Variants in SHPRH observed in about 807,000 individuals in gnomAD.
The protein encoded by SHPRH is E3 ubiquitin-protein ligase SHPRH.
SHPRH carries 106 observed loss-of-function variants against 202.5 expected under a neutral mutation model. The observed-to-expected ratio is 0.52, with a 90% CI of 0.45 to 0.62. The LOEUF is 0.62. Ranked by LOEUF, SHPRH falls within the 20% of genes least tolerant of loss-of-function variation. The probability of loss-of-function intolerance (pLI) is 0.00; values close to 1 mark genes in which losing one functional copy is unlikely to be tolerated. For synonymous variants in SHPRH, 729 were observed against 686.0 expected, an observed-to-expected ratio of 1.06 and a Z score of -0.98; for missense variants, 1,710 against 2,020.0, an observed-to-expected ratio of 0.85 and a Z score of 2.94.
intron 2 of SHPRH, among the ~76,000 whole-genome samples, chr6:145,868,043 A>C (rs1280969460): frequency 6.6e-6 from 1 of 152,156 alleles, no homozygotes; most frequent in Non-Finnish European, 1.5e-5. Flanking sequence ...ACAATTCTAG[A>C]GGCTAGAAGT....
chr6:145,922,668 G>C lies in SHPRH; in HGVS notation c.3714C>G (p.Leu1238=), dbSNP rs1784523916. The C allele has an allele frequency of 6.2e-7, 1 of 1,602,114 alleles. No individual in the cohort carries two copies. The highest frequency in any genetic ancestry group is 8.5e-7 in the Non-Finnish European group (1 of 1,175,524). ...VCHLRPARLP[L]NCCVFCKADE... ...TGATTTCTTCTATTACCTACCAGTT[G>C]AGAGGAAGTCTGGCTGGTCGGAGGT... The change falls in exon 19 of 30, where the codon CTC becomes CTG. Residue 1238 remains leucine, a synonymous_variant. Transcript: ENST00000275233.
intron 28 of SHPRH, among the ~76,000 whole-genome samples, chr6:145,891,847 G>C (rs1461639866): frequency 2.0e-5 from 3 of 152,048 alleles, no homozygotes; most frequent in African/African-American, 7.2e-5. Context: ...TTAAATATGA[G>C]ACTAGTCCAG....
rs888972954 is a variant in SHPRH at position 145,885,562 on chromosome 6, G to A, written c.*1129C>T. The A allele has an allele frequency of 5.9e-5, 9 of 152,082 alleles. No homozygotes were observed. Among genetic ancestry groups the A allele is most frequent in the African/African-American group, 1.9e-4 (8 of 41,416 alleles). The allele number at this position is 152,082 out of a possible 1,614,324, so 9.4% of individuals were successfully genotyped here. ...AAAAGGAAGCCAAATAAGAACATTT[G>A]TATTACATCAAATGGCTAGGATGTA... On this transcript the variant is annotated 3_prime_UTR_variant, in exon 30 of 30. Transcript: ENST00000275233.
intron 11 of SHPRH, among the ~76,000 whole-genome samples, chr6:145,939,497 C>T (rs966230825): frequency 2.6e-5 from 4 of 152,196 alleles, no homozygotes; most frequent in Admixed American, 6.5e-5. Context: ...AAAAAACCGA[C>T]CCAGGAACTA....
Position 145,879,235 on chromosome 6 carries a change from T to TA in SHPRH, c.221+8784dup, listed in dbSNP as rs1780440065. ...TTTACTGAACACCCACTGCCTCTTGTACTGAAGTCATTAAATTCTTTGATA... is the reference window on the plus strand; with the variant it reads ...TTTACTGAACACCCACTGCCTCTTGTAACTGAAGTCATTAAATTCTTTGATA... On this transcript the variant is annotated intron_variant, in intron 2 of 2. Coordinates refer to the SHPRH transcript ENST00000417762. 2.0e-5 allele frequency among the ~76,000 whole-genome samples: 3 copies of TA among 152,322 alleles called. No homozygotes were observed. The South Asian group carries it at 6.2e-4, about 32-fold the overall frequency.
chr6:145,943,780 A>T lies in SHPRH; in HGVS notation c.1601T>A (p.Ile534Asn), dbSNP rs1324429083. ...CCCTGATTTTCTAGTTTCTTTCTGA[A>T]TTTTCCTTGGACTCCCTACTGCCTA... is the stretch of plus-strand genomic sequence containing the variant. Reference protein sequence around the residue: ...KKQAVGSPRKIQKETRKSGNK... With the variant: ...KKQAVGSPRKNQKETRKSGNK... The change falls in exon 9 of 30, where the codon ATT becomes AAT. Residue 534 changes from isoleucine to asparagine, a missense_variant. Physicochemically the swap from Ile to Asn is moderately radical, Grantham distance 149 (BLOSUM62 -3). Transcript: ENST00000275233. 1.3e-6 allele frequency: 2 copies of T among 1,586,498 alleles called. No individual in the cohort carries two copies. The highest frequency in any genetic ancestry group is 4.5e-5 in the East Asian group (2 of 44,700).
At chr6:145,940,262 T>C (rs1786612409) in intron 11 of SHPRH, among the ~76,000 whole-genome samples, 2 of 152,140 alleles carry the variant, frequency 1.3e-5, no homozygotes. Flanking sequence ...ATTACTAAAA[T>C]TATGGCCCTA....
intron 2 of SHPRH, among the ~76,000 whole-genome samples, chr6:145,872,970 G>A (rs1303517314): frequency 6.6e-6 from 1 of 152,174 alleles, no homozygotes; most frequent in Non-Finnish European, 1.5e-5. Context: ...ACTTACAAGT[G>A]GGAGCAAAAT....
chr6:145,936,084 G>A (rs552595615), intron 11 of SHPRH, among the ~76,000 whole-genome samples: 5 of 152,070 alleles, frequency 3.3e-5, no homozygotes, highest in Non-Finnish European at 7.4e-5. Flanking sequence ...TTTAGAGCAT[G>A]GGACTTCTTG....
chr6:145,858,176 C>T, the SHPRH span, among the ~76,000 whole-genome samples: 1 of 152,084 alleles, frequency 6.6e-6, no homozygotes, highest in African/African-American at 2.4e-5. Context: ...AAAAGGTCAC[C>T]ACACCTACCA....
chr6:145,875,504 G>A (rs1275140632), intron 2 of SHPRH, among the ~76,000 whole-genome samples: 2 of 152,144 alleles, frequency 1.3e-5, no homozygotes, highest in East Asian at 1.9e-4. Context: ...GAATGCTGAA[G>A]GAAGACTGGC....
intron 22 of SHPRH, 141 bp from the exon 23 acceptor site, chr6:145,918,373 A>C: frequency 2.0e-6 from 1 of 494,380 alleles, no homozygotes; most frequent in East Asian, 3.5e-5. Context: ...AGTTTTCAAA[A>C]TGGATACTAG....
intron 17 of SHPRH, among the ~76,000 whole-genome samples, chr6:145,924,132 TAAGA>T (rs1335201802): frequency 2.0e-5 from 3 of 151,994 alleles, no homozygotes; most frequent in Non-Finnish European, 2.9e-5. Flanking sequence ...TTTATCAGCA[TAAGA>T]AAGAAAGCCT....
chr6:145,873,138 G>C (rs1780131294), intron 2 of SHPRH, among the ~76,000 whole-genome samples: 1 of 152,058 alleles, frequency 6.6e-6, no homozygotes, highest in African/African-American at 2.4e-5. Context: ...ATTTACCTAT[G>C]TAACAAACCT....
At chr6:145,940,607 G>A in intron 11 of SHPRH, 116 bp downstream of exon 11, 1 of 943,422 alleles carries the variant, frequency 1.1e-6, no homozygotes, top group Non-Finnish European at 1.6e-6. Context: ...CAACTATAAA[G>A]ACATGAATCA....
chr6:145,922,895 T>A, intron 18 of SHPRH, 59 bp from the exon 19 acceptor site: 7 of 1,447,168 alleles, frequency 4.8e-6, no homozygotes, highest in Non-Finnish European at 5.5e-6. Context: ...GTCAATTTCC[T>A]CAAATTCAGA....
At chr6:145,946,421 CT>C in intron 6 of SHPRH, 80 bp from the exon 7 acceptor site, 1 of 1,174,258 alleles carries the variant, frequency 8.5e-7, no homozygotes, top group Non-Finnish European at 1.2e-6. Context: ...AACTTTCCTT[CT>C]TTATGGAAAT....
intron 25 of SHPRH, among the ~76,000 whole-genome samples, chr6:145,900,983 T>A (rs1287697042): frequency 1.3e-5 from 2 of 152,088 alleles, no homozygotes; most frequent in Non-Finnish European, 2.9e-5. Context: ...AATTTTCTTA[T>A]CACAAAAATT....
In SHPRH at chr6:145,964,270, G is replaced by C. The variant is rs1256959483; in HGVS notation, c.-572C>G. The C allele has an allele frequency of 6.6e-6, 1 of 152,272 alleles. No homozygotes were observed. Among genetic ancestry groups the C allele is most frequent in the African/African-American group, 2.4e-5 (1 of 41,458 alleles). The allele number at this position is 152,272 out of a possible 1,614,324, so 9.4% of individuals were successfully genotyped here. A position where few individuals can be genotyped will look rare whatever the true frequency, so the allele number is the denominator to read the frequency against. The stretch of plus-strand genomic sequence containing the variant: ...ACCCACCGAACATGGGCTTGAGGTG[G>C]GCACGAGCGCTTTTTGCCGGAACGT... On this transcript the variant is annotated 5_prime_UTR_variant, in exon 1 of 30. Coordinates refer to ENST00000275233, the MANE Select transcript of SHPRH (RefSeq NM_001042683.3).
Sources: gnomAD v4.1 joint callset for allele counts (sites outside exome capture counted in the v4.1 genomes callset) on GRCh38, gnomAD v4.1.1 for gene constraint, MANE v1.5 for transcripts, NCBI Gene and HGNC (gene_info 2026-07-23, HGNC 2026-07-21) for gene names.